Variants in KANSL1 observed in about 807,000 individuals in gnomAD.
The protein encoded by KANSL1 is KAT8 regulatory NSL complex subunit 1.
A neutral mutation model predicts 103.6 loss-of-function variants in KANSL1; 22 were observed. The observed-to-expected ratio is 0.21, with a 90% confidence interval of 0.15 to 0.30. The LOEUF is 0.30. Ranked by LOEUF, KANSL1 falls within the 10% of genes least tolerant of loss-of-function variation. KANSL1 has a pLI of 1.00. For synonymous variants in KANSL1, 600 were observed against 527.6 expected (o/e 1.14, Z -1.88); for missense variants, 1,337 against 1,399.8 (o/e 0.96, Z 0.72).
At chr17:46,139,411 T>C (rs1331719936) in intron 2 of KANSL1, among the ~76,000 whole-genome samples, 1 of 152,194 alleles carries the variant, frequency 6.6e-6, no homozygotes, top group Non-Finnish European at 1.5e-5. Context: ...GTGAAGTTAC[T>C]CATTTTCCAT....
rs1598603932 is a variant in KANSL1 at position 46,094,481 on chromosome 17, C to T, written c.1431+79G>A. 8.8e-6 allele frequency: 13 copies of T among 1,483,632 alleles called. No individual in the cohort carries two copies. The East Asian group carries it at 1.8e-4, about 21-fold the overall frequency. 91.9% of individuals were successfully genotyped at this position (1,483,632 alleles called of 1,614,324 possible). On this transcript the variant is annotated intron_variant, in intron 3 of 14. Coordinates refer to ENST00000432791, the MANE Select transcript of KANSL1 (RefSeq NM_015443.4). ...GTTAAGAAGAGGGTTATGGGGGTTA[C>T]GAGGTGGGAGGGGATGTGAGAAAAG...
chr17:46,064,068 A>C (rs113724806), intron 6 of KANSL1, among the ~76,000 whole-genome samples: 3 of 104,426 alleles, frequency 2.9e-5, no homozygotes, highest in African/African-American at 8.0e-5. Flanking sequence ...AAAAAAAAAA[A>C]AAACAAAAAA....
chr17:46,141,738 T>A (rs1189917857), intron 2 of KANSL1, among the ~76,000 whole-genome samples: 1 of 152,240 alleles, frequency 6.6e-6, no homozygotes, highest in African/African-American at 2.4e-5. Flanking sequence ...CTGTATGTCT[T>A]ATGCAACTTC....
rs1342902646 is a variant in KANSL1 at position 46,039,102 on chromosome 17, T to C, written c.2317A>G (p.Asn773Asp). 1 of 1,612,460 alleles carries C rather than the reference T, an allele frequency of 6.2e-7. No homozygotes were observed. Among genetic ancestry groups the C allele is most frequent in the Non-Finnish European group, 8.5e-7 (1 of 1,179,796 alleles). The change falls in exon 9 of 15, where the codon AAC (asparagine) becomes GAC (aspartate). Residue 773 changes from asparagine (N) to aspartate (D), a missense_variant. Asn to Asp is a conservative substitution (Grantham distance 23). Coordinates refer to ENST00000432791, the MANE Select transcript of KANSL1 (RefSeq NM_015443.4). ...VTAPKAERLL[N>D]PPPPVHDPNH... ...GGGTCATGCACGGGTGGTGGTGGGTTGAGCAAGCGCTCTGCTTTTGGCGCT... is the reference window on the plus strand; with the variant it reads ...GGGTCATGCACGGGTGGTGGTGGGTCGAGCAAGCGCTCTGCTTTTGGCGCT...
chr17:46,119,459 A>C (rs922836048), intron 2 of KANSL1, among the ~76,000 whole-genome samples: 1 of 151,880 alleles, frequency 6.6e-6, no homozygotes, highest in African/African-American at 2.4e-5. Flanking sequence ...GGTGCACGCC[A>C]CCACGTCCAG....
intron 2 of KANSL1, among the ~76,000 whole-genome samples, chr17:46,109,973 G>A (rs754710979): frequency 3.6e-4 from 55 of 152,200 alleles, no homozygotes; most frequent in Non-Finnish European, 6.6e-4. Context: ...GGTGACTAGG[G>A]AGACTGCTTC....
At chr17:46,083,910 G>T (rs2079068162) in intron 3 of KANSL1, among the ~76,000 whole-genome samples, 1 of 152,060 alleles carries the variant, frequency 6.6e-6, no homozygotes, top group South Asian at 2.1e-4. Flanking sequence ...TGGGGTCCTT[G>T]TAACTAAAAA....
At chr17:46,081,452 T>A (rs1224747265) in intron 4 of KANSL1, among the ~76,000 whole-genome samples, 1 of 152,210 alleles carries the variant, frequency 6.6e-6, no homozygotes, top group African/African-American at 2.4e-5. Flanking sequence ...AAACTTGGCA[T>A]TCTGCTCTTT....
chr17:46,081,550 A>G (rs935804844), intron 4 of KANSL1, among the ~76,000 whole-genome samples: 1 of 152,200 alleles, frequency 6.6e-6, no homozygotes, highest in Admixed American at 6.5e-5. Context: ...TGGCTTTCAA[A>G]ATTAGGTGAG....
intron 7 of KANSL1, chr17:46,045,528 G>A (rs996112628): frequency 6.6e-6 from 1 of 151,564 alleles, no homozygotes; most frequent in Non-Finnish European, 1.5e-5. Flanking sequence ...GAAGCTCTTC[G>A]TGTGTGTGTG....
At chr17:46,095,072 G>A (rs1271341522) in intron 2 of KANSL1, among the ~76,000 whole-genome samples, 1 of 152,020 alleles carries the variant, frequency 6.6e-6, no homozygotes, top group African/African-American at 2.4e-5. Context: ...AACTAATAAA[G>A]AATTCAGCAA....
At chr17:46,043,279 G>A (rs982917646) in intron 7 of KANSL1, 2 of 150,940 alleles carry the variant, frequency 1.3e-5, no homozygotes, top group African/African-American at 4.9e-5. Context: ...TTCCCCCATC[G>A]TTCTCCCAAA....
At chr17:46,138,476 A>C (rs1266909299) in intron 2 of KANSL1, among the ~76,000 whole-genome samples, 1 of 152,256 alleles carries the variant, frequency 6.6e-6, no homozygotes, top group Non-Finnish European at 1.5e-5. Context: ...GGTTATACAC[A>C]AATACTATCC....
chr17:46,132,126 T>G (rs1387263125), intron 2 of KANSL1, among the ~76,000 whole-genome samples: 1 of 147,662 alleles, frequency 6.8e-6, no homozygotes, highest in Non-Finnish European at 1.5e-5. Context: ...AAACTCCATC[T>G]CAAAAAAAAA....
chr17:46,134,039 T>C (rs11871159), intron 2 of KANSL1, among the ~76,000 whole-genome samples: 4,467 of 152,132 alleles, frequency 0.029, 183 homozygotes, highest in African/African-American at 0.09. Context: ...TGAGGAAGGA[T>C]GGGGATGGAA....
At chr17:46,139,600 G>C (rs1019524881) in intron 2 of KANSL1, among the ~76,000 whole-genome samples, 5 of 152,108 alleles carry the variant, frequency 3.3e-5, no homozygotes, top group Non-Finnish European at 5.9e-5. Context: ...TCTACTTCTT[G>C]TTTTAACCAA....
At position 46,184,667 on chromosome 17, in the gene KANSL1, G is replaced by C. The variant is rs567790649; in HGVS notation, c.-90+8156C>G. 7.2e-5 allele frequency among the ~76,000 whole-genome samples: 11 copies of C among 152,086 alleles called. No individual in the cohort carries two copies. In the East Asian group the frequency reaches 2.1e-3, roughly 29 times the overall value. ...ACCTTTACTCATGCTACTCTTTCAC[G>C]GTTCAGCTCAAGGTTACATGCTCTT... On this transcript the variant is annotated intron_variant, in intron 1 of 14. Coordinates refer to ENST00000432791, the MANE Select transcript of KANSL1 (RefSeq NM_015443.4).
intron 7 of KANSL1, among the ~76,000 whole-genome samples, chr17:46,046,316 T>G (rs996875605): frequency 6.6e-6 from 1 of 151,396 alleles, no homozygotes; most frequent in East Asian, 2.0e-4. Flanking sequence ...GGTAGATCGC[T>G]TGGGCCCAAG....
chr17:46,147,612 A>G, intron 2 of KANSL1, among the ~76,000 whole-genome samples: 1 of 151,646 alleles, frequency 6.6e-6, no homozygotes, highest in Non-Finnish European at 1.5e-5. Context: ...CGAGAGAGAA[A>G]GAGGCAGAGA....
Sources: gnomAD v4.1 joint callset for allele counts (sites outside exome capture counted in the v4.1 genomes callset) on GRCh38, gnomAD v4.1.1 for gene constraint, MANE v1.5 for transcripts, NCBI Gene and HGNC (gene_info 2026-07-23, HGNC 2026-07-21) for gene names.